The following SERGEF variants were observed in gnomAD, a reference collection of about 807,000 sequenced individuals.
The protein encoded by SERGEF is secretion-regulating guanine nucleotide exchange factor.
A neutral mutation model predicts 50.0 loss-of-function variants in SERGEF; 51 were observed. The observed-to-expected ratio is 1.02, with a 90% CI of 0.81 to 1.29. The LOEUF is 1.29. SERGEF is among the 50% of genes most tolerant of loss of function. The pLI is 0.00. For missense variants in SERGEF, 521 were observed against 557.0 expected (o/e 0.94, Z 0.65); for synonymous variants, 205 against 212.4 (o/e 0.97, Z 0.30).
intron 9 of SERGEF, among the ~76,000 whole-genome samples, chr11:17,940,185 G>A (rs1210756697): frequency 6.6e-6 from 1 of 152,058 alleles, no homozygotes; most frequent in Non-Finnish European, 1.5e-5. Flanking sequence ...AGAATAGCAC[G>A]TTTCAGACCA....
At chr11:17,945,624 G>A (rs934007831) in intron 9 of SERGEF, among the ~76,000 whole-genome samples, 8 of 152,038 alleles carry the variant, frequency 5.3e-5, no homozygotes, top group African/African-American at 1.9e-4. Context: ...TTACTTGCCT[G>A]ATTTTAATGT....
chr11:17,911,573 C>T (rs977258012), intron 9 of SERGEF, among the ~76,000 whole-genome samples: 2 of 151,616 alleles, frequency 1.3e-5, no homozygotes, highest in African/African-American at 4.9e-5. Flanking sequence ...CTGTAATCTC[C>T]ACCTCCCAGG....
intron 9 of SERGEF, among the ~76,000 whole-genome samples, chr11:17,920,684 C>T (rs944264326): frequency 6.6e-6 from 1 of 152,196 alleles, no homozygotes; most frequent in African/African-American, 2.4e-5. Flanking sequence ...GCTACAGTGG[C>T]CTATATGGGA....
chr11:17,975,016 A>T (rs573819374), intron 8 of SERGEF, among the ~76,000 whole-genome samples: 1 of 152,276 alleles, frequency 6.6e-6, no homozygotes, highest in East Asian at 1.9e-4. Context: ...AACAAAACTC[A>T]ATGTAGGAAT....
At chr11:17,806,252 T>G (rs1849756529) in intron 10 of SERGEF, among the ~76,000 whole-genome samples, 1 of 152,178 alleles carries the variant, frequency 6.6e-6, no homozygotes, top group Non-Finnish European at 1.5e-5. Context: ...AAAGTGATAT[T>G]TGGGTACCTT....
chr11:17,813,724 T>G (rs990860363), intron 10 of SERGEF, among the ~76,000 whole-genome samples: 1 of 152,238 alleles, frequency 6.6e-6, no homozygotes, highest in African/African-American at 2.4e-5. Context: ...GCCCACATCT[T>G]CTGATCAAAC....
At chr11:17,997,567 A>G (rs920567661) in intron 5 of SERGEF, among the ~76,000 whole-genome samples, 4 of 152,338 alleles carry the variant, frequency 2.6e-5, no homozygotes, top group East Asian at 1.9e-4. Flanking sequence ...TTGAAGAGAT[A>G]TTTGTACACC....
intron 1 of SERGEF, among the ~76,000 whole-genome samples, 177 bp from the exon 2 acceptor site, chr11:18,008,253 A>C (rs1854124768): frequency 6.6e-6 from 1 of 152,250 alleles, no homozygotes; most frequent in African/African-American, 2.4e-5. Flanking sequence ...AAATACTCAC[A>C]GCACTGTTTA....
At chr11:17,790,853 A>G (rs576322253) in intron 10 of SERGEF, among the ~76,000 whole-genome samples, 2 of 152,336 alleles carry the variant, frequency 1.3e-5, no homozygotes, top group South Asian at 4.1e-4. Context: ...TTCCCTGACT[A>G]CTAGTGAGAT....
At chr11:17,948,781 G>A (rs1852718760) in intron 9 of SERGEF, among the ~76,000 whole-genome samples, 1 of 152,146 alleles carries the variant, frequency 6.6e-6, no homozygotes, top group African/African-American at 2.4e-5. Context: ...TATACTTCTG[G>A]TTCCTCTGAA....
intron 10 of SERGEF, among the ~76,000 whole-genome samples, chr11:17,795,160 G>A (rs990705147): frequency 2.0e-5 from 3 of 152,222 alleles, no homozygotes; most frequent in African/African-American, 7.2e-5. Flanking sequence ...TCATAGAGAG[G>A]AGGGCTCTGG....
chr11:17,938,316 TA>T (rs1852495320), intron 9 of SERGEF, among the ~76,000 whole-genome samples: 2 of 152,298 alleles, frequency 1.3e-5, no homozygotes, highest in Non-Finnish European at 2.9e-5. Context: ...GACAATATAG[TA>T]GGGATTTGGC....
At chr11:17,958,722 T>C (rs982492535) in intron 9 of SERGEF, among the ~76,000 whole-genome samples, 2 of 152,178 alleles carry the variant, frequency 1.3e-5, no homozygotes, top group African/African-American at 4.8e-5. Context: ...CCAAAATAGT[T>C]TCTTCACTTT....
At chr11:17,870,611 A>C (rs1851121141) in intron 10 of SERGEF, among the ~76,000 whole-genome samples, 1 of 152,252 alleles carries the variant, frequency 6.6e-6, no homozygotes, top group Non-Finnish European at 1.5e-5. Flanking sequence ...TCTTGTTTTA[A>C]GCCATTAATT....
At chr11:17,916,195 T>C (rs547394110) in intron 9 of SERGEF, among the ~76,000 whole-genome samples, 25 of 152,322 alleles carry the variant, frequency 1.6e-4, no homozygotes, top group Non-Finnish European at 2.8e-4. Context: ...TCCCTGGCTT[T>C]GTAGTAAATA....
At chr11:17,920,681 T>C (rs1852137834) in intron 9 of SERGEF, among the ~76,000 whole-genome samples, 2 of 152,194 alleles carry the variant, frequency 1.3e-5, no homozygotes, top group Non-Finnish European at 1.5e-5. Context: ...AAGGCTACAG[T>C]GGCCTATATG....
At chr11:17,915,525 T>C (rs908225989) in intron 9 of SERGEF, among the ~76,000 whole-genome samples, 5 of 152,210 alleles carry the variant, frequency 3.3e-5, no homozygotes, top group African/African-American at 1.2e-4. Context: ...TGAAACACTT[T>C]TTCCATTAGC....
intron 9 of SERGEF, among the ~76,000 whole-genome samples, chr11:17,948,448 T>C (rs1204291283): frequency 6.6e-6 from 1 of 152,218 alleles, no homozygotes; most frequent in Non-Finnish European, 1.5e-5. Context: ...TGCTCCCTCG[T>C]GCAGACCCGA....
At chr11:17,796,575 C>T (rs1214520100) in intron 10 of SERGEF, among the ~76,000 whole-genome samples, 11 of 152,194 alleles carry the variant, frequency 7.2e-5, no homozygotes, top group Non-Finnish European at 1.5e-4. Flanking sequence ...AGGTCTTCCC[C>T]AGATGTGGCC....
Sources: allele counts gnomAD v4.1 joint callset (sites outside exome capture counted in the v4.1 genomes callset), GRCh38; gene constraint gnomAD v4.1.1; transcripts MANE v1.5; gene names NCBI Gene and HGNC (gene_info 2026-07-23, HGNC 2026-07-21).